Variants in SLC25A26 observed in about 807,000 individuals in gnomAD.
The protein encoded by SLC25A26 is solute carrier family 25 member 26.
In SLC25A26, 36 loss-of-function variants were observed where a neutral mutation model predicts 37.8. The ratio of observed to expected loss-of-function variants is 0.95; its 90% CI spans 0.73 to 1.26. The LOEUF (loss-of-function observed/expected upper bound fraction) is 1.26, where lower values mean the gene tolerates loss of function less well. SLC25A26 is among the 50% of genes most tolerant of loss of function. The pLI is 0.00. For synonymous variants in SLC25A26, 129 were observed against 122.5 expected, an observed-to-expected ratio of 1.05 and a Z score of -0.35; for missense variants, 390 against 331.1, an observed-to-expected ratio of 1.18 and a Z score of -1.38.
chr3:66,260,648 A>G (rs190447442), intron 3 of SLC25A26, among the ~76,000 whole-genome samples: 33 of 152,298 alleles, frequency 2.2e-4, no homozygotes, highest in Non-Finnish European at 3.7e-4. Flanking sequence ...CCCACTTGTC[A>G]TGGGGTGCTC....
chr3:66,288,885 C>T (rs1050690446), intron 5 of SLC25A26, among the ~76,000 whole-genome samples: 1 of 152,088 alleles, frequency 6.6e-6, no homozygotes, highest in Non-Finnish European at 1.5e-5. Context: ...GGTTCTAGAT[C>T]CTTGAGGAAT....
At position 66,378,372 on chromosome 3, in the gene SLC25A26, T is replaced by A. The variant is rs1244268486; in HGVS notation, c.*565T>A. Reference sequence around the variant, plus strand: ...GCTGCTGGTTTTAATTACCCTCAGATTTCACCCATAAAAACGCACAATTGT... The same window carrying A: ...GCTGCTGGTTTTAATTACCCTCAGAATTCACCCATAAAAACGCACAATTGT... On this transcript the variant is annotated 3_prime_UTR_variant, in exon 10 of 10. Coordinates refer to ENST00000354883, the MANE Select transcript of SLC25A26 (RefSeq NM_001379210.1). 2 of 152,770 alleles carry A rather than the reference T, an allele frequency of 1.3e-5. No individual in the cohort carries two copies. Among genetic ancestry groups the A allele is most frequent in the Non-Finnish European group, 2.9e-5 (2 of 68,154 alleles). 9.5% of individuals were successfully genotyped at this position (152,770 alleles called of 1,614,324 possible).
At chr3:66,376,886 A>G (rs549661779) in intron 9 of SLC25A26, among the ~76,000 whole-genome samples, 4 of 152,276 alleles carry the variant, frequency 2.6e-5, no homozygotes, top group Non-Finnish European at 5.9e-5. Context: ...TAGTCCTTGG[A>G]CTTAGTTTTT....
chr3:66,282,344 C>T (rs1435298435), intron 5 of SLC25A26, among the ~76,000 whole-genome samples: 1 of 152,154 alleles, frequency 6.6e-6, no homozygotes, highest in East Asian at 1.9e-4. Flanking sequence ...TGGAGTTTCA[C>T]CATGTTGGCT....
At position 66,233,078 on chromosome 3, in the gene SLC25A26, A is replaced by G. The variant is rs560226747; in HGVS notation, c.34-3466A>G. 4.7e-3 allele frequency among the ~76,000 whole-genome samples: 720 copies of G among 152,268 alleles called. 2 individuals carry two copies. The highest frequency in any genetic ancestry group is 7.9e-3 in the Non-Finnish European group (537 of 68,020). On this transcript the variant is annotated intron_variant, in intron 1 of 9. Transcript: ENST00000354883. ...GCTCTTCTTAGCTGTCGTTTAGGCC[A>G]GTGGCCTCTATTAATTTTGCTTAGT... is the stretch of plus-strand genomic sequence containing the variant.
At chr3:66,350,483 G>A (rs2127235) in intron 6 of SLC25A26, among the ~76,000 whole-genome samples, 3 of 152,102 alleles carry the variant, frequency 2.0e-5, no homozygotes, top group African/African-American at 7.2e-5. Flanking sequence ...CTGATTCTTA[G>A]TACCTTATGT....
chr3:66,209,898 T>TTATTTATATATATATA (rs2071256959), intron 1 of SLC25A26, among the ~76,000 whole-genome samples: 3 of 38,616 alleles, frequency 7.8e-5, no homozygotes, highest in Non-Finnish European at 1.0e-4. Flanking sequence ...CTCTCTCTAT[T>TTATTTATATATATATA]TATATATATA....
intron 1 of SLC25A26, among the ~76,000 whole-genome samples, chr3:66,156,020 A>T (rs966308009): frequency 3.9e-5 from 6 of 152,184 alleles, no homozygotes; most frequent in African/African-American, 1.2e-4. Context: ...AGTCAATTCC[A>T]GGTACAAGTA....
intron 1 of SLC25A26, among the ~76,000 whole-genome samples, chr3:66,147,401 G>A (rs2070136144): frequency 6.6e-6 from 1 of 151,702 alleles, no homozygotes; most frequent in South Asian, 2.1e-4. Flanking sequence ...GGCTTCGAGT[G>A]ATCCACTCAC....
chr3:66,209,698 T>C (rs2071249239), intron 1 of SLC25A26, among the ~76,000 whole-genome samples: 1 of 138,692 alleles, frequency 7.2e-6, no homozygotes, highest in Non-Finnish European at 1.5e-5. Flanking sequence ...TAGGTATATA[T>C]AAATATATAG....
intron 1 of SLC25A26, among the ~76,000 whole-genome samples, chr3:66,176,070 GC>G (rs1198587980): frequency 6.6e-6 from 1 of 152,064 alleles, no homozygotes; most frequent in African/African-American, 2.4e-5. Flanking sequence ...TGATCCTTTT[GC>G]TTGAACATGA....
intron 3 of SLC25A26, among the ~76,000 whole-genome samples, chr3:66,251,425 T>G (rs1174185508): frequency 6.6e-6 from 1 of 152,216 alleles, no homozygotes; most frequent in Non-Finnish European, 1.5e-5. Context: ...TTTTTCATCA[T>G]GGATGCCTTT....
At chr3:66,341,998 CT>C (rs2076220454) in intron 5 of SLC25A26, among the ~76,000 whole-genome samples, 1 of 151,674 alleles carries the variant, frequency 6.6e-6, no homozygotes, top group Admixed American at 6.6e-5. Context: ...TTGGTTACCC[CT>C]GGGGTTGAAT....
intron 1 of SLC25A26, among the ~76,000 whole-genome samples, chr3:66,146,149 G>A (rs1414177015): frequency 6.6e-6 from 1 of 152,038 alleles, no homozygotes; most frequent in Non-Finnish European, 1.5e-5. Flanking sequence ...AGACCAGCCT[G>A]GCCAAAATAG....
intron 1 of SLC25A26, among the ~76,000 whole-genome samples, chr3:66,221,917 G>T (rs2071514328): frequency 6.6e-6 from 1 of 151,790 alleles, no homozygotes; most frequent in Admixed American, 6.6e-5. Flanking sequence ...CAGTGATTTA[G>T]TCACTTAATT....
At chr3:66,203,244 G>A (rs1427192190) in intron 1 of SLC25A26, among the ~76,000 whole-genome samples, 1 of 152,046 alleles carries the variant, frequency 6.6e-6, no homozygotes, top group Non-Finnish European at 1.5e-5. Flanking sequence ...AGCCAGGCAT[G>A]GTGCCATGTG....
chr3:66,196,599 AAAT>A (rs1213971824), intron 1 of SLC25A26, among the ~76,000 whole-genome samples: 1 of 152,214 alleles, frequency 6.6e-6, no homozygotes, highest in African/African-American at 2.4e-5. Flanking sequence ...ACACATTATT[AAAT>A]AATAAAGTGT....
chr3:66,161,804 G>A (rs2070363664), intron 1 of SLC25A26, among the ~76,000 whole-genome samples: 1 of 152,056 alleles, frequency 6.6e-6, no homozygotes, highest in African/African-American at 2.4e-5. Context: ...CCTGACTTCA[G>A]GACCTTCCAT....
chr3:66,377,841 G>A lies in SLC25A26; in HGVS notation c.*34G>A, dbSNP rs774223340. 6.6e-7 allele frequency: 1 copy of A among 1,525,502 alleles called. No homozygotes were observed. The highest frequency in any genetic ancestry group is 1.7e-5 in the Admixed American group (1 of 59,870). The allele number at this position is 1,525,502 out of a possible 1,614,324, so 94.5% of individuals were successfully genotyped here. On this transcript the variant is annotated 3_prime_UTR_variant, in exon 10 of 10. Coordinates refer to ENST00000354883, the MANE Select transcript of SLC25A26 (RefSeq NM_001379210.1). ...CAAGCCTCACCTCCACTTCTGTCAA[G>A]AGAGGGGCCTGCAGTGCAAACCCTC...
Sources: allele counts gnomAD v4.1 joint callset (sites outside exome capture counted in the v4.1 genomes callset), GRCh38; gene constraint gnomAD v4.1.1; transcripts MANE v1.5; gene names NCBI Gene and HGNC (gene_info 2026-07-23, HGNC 2026-07-21).